Variants in SPON2 observed in about 807,000 individuals in gnomAD.
The protein encoded by SPON2 is spondin 2.
A neutral mutation model predicts 29.9 loss-of-function variants in SPON2; 32 were observed. That is an observed-to-expected ratio of 1.07 (90% CI 0.81 to 1.44). SPON2 has a LOEUF of 1.44. SPON2 is among the 40% of genes most tolerant of loss of function. The pLI is 0.00. For missense variants in SPON2, 541 were observed against 455.5 expected (o/e 1.19, Z -1.71); for synonymous variants, 248 against 209.1 (o/e 1.19, Z -1.61).
chr4:1,169,448 GTC>G (rs1409629997), intron 5 of SPON2, among the ~76,000 whole-genome samples: 3 of 152,204 alleles, frequency 2.0e-5, no homozygotes, highest in Admixed American at 6.5e-5. Context: ...ACTGGGCACA[GTC>G]TCTGTCTGGG....
intron 1 of SPON2, among the ~76,000 whole-genome samples, chr4:1,180,037 A>G (rs1727677570): frequency 6.6e-6 from 1 of 152,146 alleles, no homozygotes; most frequent in Non-Finnish European, 1.5e-5. Context: ...AAAAAATCCA[A>G]CCTATTTCTG....
intron 1 of SPON2, among the ~76,000 whole-genome samples, chr4:1,191,574 T>C (rs1252308945): frequency 6.6e-6 from 1 of 152,170 alleles, no homozygotes; most frequent in African/African-American, 2.4e-5. Flanking sequence ...GGAGGCTCCT[T>C]GATGCTCTTC....
At chr4:1,180,239 A>C (rs954568129) in intron 1 of SPON2, among the ~76,000 whole-genome samples, 1 of 152,212 alleles carries the variant, frequency 6.6e-6, no homozygotes, top group Non-Finnish European at 1.5e-5. Flanking sequence ...AAAAACTGGG[A>C]GATGACTGGT....
upstream of SPON2, among the ~76,000 whole-genome samples, chr4:1,177,407 C>T (rs1405045265): frequency 3.3e-5 from 5 of 152,182 alleles, no homozygotes; most frequent in Non-Finnish European, 4.4e-5. Context: ...TTTGGACAAC[C>T]GCAGGTGCTG....
At position 1,171,282 on chromosome 4, in the gene SPON2, A is replaced by C. The variant is rs1328163021; in HGVS notation, c.425T>G (p.Val142Gly). The change falls in exon 3 of 6, where the codon GTG becomes GGG. Residue 142 changes from valine to glycine, a missense_variant. Val to Gly is a moderately radical substitution (Grantham distance 109). Transcript: ENST00000290902. ...GTGQTSAELE[V>G]QRRHSLVSFV... Reference sequence around the variant, plus strand: ...GCTCACCAGCGAGTGCCTGCGCTGCACCTCCAGCTCCGCCGACGTCTGCCC... The same window carrying C: ...GCTCACCAGCGAGTGCCTGCGCTGCCCCTCCAGCTCCGCCGACGTCTGCCC... The C allele has an allele frequency of 1.3e-6, 2 of 1,555,886 alleles. No homozygotes were observed. The highest frequency in any genetic ancestry group is 2.8e-5 in the African/African-American group (2 of 71,502).
rs571597094 is a variant in SPON2 at position 1,171,795 on chromosome 4, G to A, written c.220+57C>T. On this transcript the variant is annotated intron_variant, in intron 2 of 5. Coordinates refer to ENST00000290902, the MANE Select transcript of SPON2 (RefSeq NM_012445.4). ...GCGCCGCCGTGCAGCTGTGCGGGGGGCTCCGGCGCCGCAGCCCTCCTGGTG... is the reference window on the plus strand; with the variant it reads ...GCGCCGCCGTGCAGCTGTGCGGGGGACTCCGGCGCCGCAGCCCTCCTGGTG... 8.5e-5 allele frequency: 102 copies of A among 1,195,216 alleles called. 2 individuals are homozygous for A. In the South Asian group the frequency reaches 1.0e-3, roughly 12 times the overall value. The allele number at this position is 1,195,216 out of a possible 1,614,324, so 74.0% of individuals were successfully genotyped here. A position where few individuals can be genotyped will look rare whatever the true frequency, so the allele number is the denominator to read the frequency against.
intron 1 of SPON2, among the ~76,000 whole-genome samples, chr4:1,193,385 C>T (rs575906565): frequency 6.7e-6 from 1 of 148,590 alleles, no homozygotes; most frequent in African/African-American, 2.4e-5. Flanking sequence ...GTCCAGCACG[C>T]CAGGCCTGGC....
At chr4:1,172,103 G>A (rs1041200344) in intron 1 of SPON2, 29 bp from the exon 2 acceptor site, 1 of 1,591,382 alleles carries the variant, frequency 6.3e-7, no homozygotes, top group Non-Finnish European at 8.6e-7. Flanking sequence ...GCAGCCGCGC[G>A]CTGGCACCGT....
intron 2 of SPON2, 119 bp downstream of exon 2, chr4:1,171,733 T>TA (rs1388116470): frequency 4.8e-6 from 4 of 837,280 alleles, no homozygotes; most frequent in Non-Finnish European, 7.9e-6. Context: ...ATTCTGGTGT[T>TA]AGAGTCTCCC....
At chr4:1,187,977 G>A (rs1327236030) in intron 1 of SPON2, among the ~76,000 whole-genome samples, 1 of 151,910 alleles carries the variant, frequency 6.6e-6, no homozygotes, top group Non-Finnish European at 1.5e-5. Context: ...CAAGGCTAGT[G>A]GATCTCCTGA....
chr4:1,185,557 A>C (rs1186237223), intron 1 of SPON2, among the ~76,000 whole-genome samples: 1 of 151,444 alleles, frequency 6.6e-6, no homozygotes, highest in East Asian at 2.0e-4. Context: ...AAAATACAAA[A>C]ATTAGCCAGG....
intron 1 of SPON2, among the ~76,000 whole-genome samples, chr4:1,191,623 G>A (rs532626294): frequency 6.6e-6 from 1 of 152,220 alleles, no homozygotes; most frequent in East Asian, 1.9e-4. Context: ...TTGGGATGAT[G>A]GCGCCCCTCC....
At chr4:1,171,636 C>G (rs1408507757) in intron 2 of SPON2, 150 bp from the exon 3 acceptor site, 10 of 896,420 alleles carry the variant, frequency 1.1e-5, no homozygotes, top group Non-Finnish European at 1.7e-5. Flanking sequence ...GTGGCTGCCC[C>G]TGCCGCGACC....
rs1454267875 is a variant in SPON2, at chr4:1,167,354, C to A, written c.*118G>T. The A allele has an allele frequency of 6.3e-6, 7 of 1,113,702 alleles. No individual in the cohort carries two copies. Among genetic ancestry groups the A allele is most frequent in the Non-Finnish European group, 8.9e-6 (7 of 782,354 alleles). 69.0% of individuals were successfully genotyped at this position (1,113,702 alleles called of 1,614,324 possible). ...GCAGAGATGGTCGGCGCGGCCTCACCGCGGTCAGGAGCAGCGCGAAACCCC... is the reference window on the plus strand; with the variant it reads ...GCAGAGATGGTCGGCGCGGCCTCACAGCGGTCAGGAGCAGCGCGAAACCCC... On this transcript the variant is annotated 3_prime_UTR_variant, in exon 6 of 6. Coordinates refer to ENST00000290902, the MANE Select transcript of SPON2 (RefSeq NM_012445.4).
chr4:1,187,693 G>A (rs958091547), intron 1 of SPON2, among the ~76,000 whole-genome samples: 8 of 151,960 alleles, frequency 5.3e-5, no homozygotes, highest in African/African-American at 7.3e-5. Context: ...AAAACTTTGC[G>A]CATATATAGC....
In SPON2 at chr4:1,205,438, C is replaced by T. The variant is rs538503147; in HGVS notation, c.-234+2442G>A. Reference sequence around the variant, plus strand: ...GTCCACATCTTTACTAGAACTGCAGCTGGCATCCGTGGAGCTGTGGGCTTT... The same window carrying T: ...GTCCACATCTTTACTAGAACTGCAGTTGGCATCCGTGGAGCTGTGGGCTTT... On this transcript the variant is annotated intron_variant, in intron 1 of 3. Coordinates refer to the SPON2 transcript ENST00000509233. Among the ~76,000 whole-genome samples, 21 of 152,360 alleles carry T rather than the reference C, an allele frequency of 1.4e-4. No individual in the cohort carries two copies. In the South Asian group the frequency reaches 3.9e-3, roughly 29 times the overall value.
At chr4:1,207,086 G>A (rs1728360706) in intron 1 of SPON2, among the ~76,000 whole-genome samples, 1 of 152,074 alleles carries the variant, frequency 6.6e-6, no homozygotes, top group South Asian at 2.1e-4. Context: ...GTGGGCAGGT[G>A]CAGGGCAGTG....
chr4:1,176,586 A>G (rs943900459), upstream of SPON2, among the ~76,000 whole-genome samples: 2 of 112,458 alleles, frequency 1.8e-5, no homozygotes, highest in African/African-American at 4.2e-5. Flanking sequence ...CCATTCACAC[A>G]GTACATTCAA....
At chr4:1,201,436 C>G (rs1187608240) in intron 1 of SPON2, 1 of 220,024 alleles carries the variant, frequency 4.5e-6, no homozygotes, top group Non-Finnish European at 9.4e-6. Flanking sequence ...GGAACAGCCC[C>G]CAAACCACGC....
Sources: gnomAD v4.1 joint callset for allele counts (sites outside exome capture counted in the v4.1 genomes callset) on GRCh38, gnomAD v4.1.1 for gene constraint, MANE v1.5 for transcripts, NCBI Gene and HGNC (gene_info 2026-07-23, HGNC 2026-07-21) for gene names.